KIAA1217: variants seen among roughly 807,000 people sequenced by gnomAD.
The protein encoded by KIAA1217 is sickle tail protein homolog.
In KIAA1217, 88 loss-of-function variants were observed where a neutral mutation model predicts 163.9. The ratio of observed to expected loss-of-function variants is 0.54; its 90% CI spans 0.45 to 0.64. The LOEUF (loss-of-function observed/expected upper bound fraction) is 0.64. KIAA1217 is among the 30% of genes least tolerant of loss of function. The pLI is 0.00. For missense variants in KIAA1217, 2,372 were observed against 2,475.0 expected, an observed-to-expected ratio of 0.96 and a Z score of 0.88; for synonymous variants, 903 against 923.1, an observed-to-expected ratio of 0.98 and a Z score of 0.39.
intron 2 of KIAA1217, among the ~76,000 whole-genome samples, chr10:24,359,916 A>G (rs1182217386): frequency 1.3e-5 from 2 of 152,054 alleles, no homozygotes; most frequent in African/African-American, 2.4e-5. Context: ...TTAAACAGTT[A>G]GAAAAGGAAT....
chr10:24,171,695 G>A (rs905982451), intron 2 of KIAA1217, among the ~76,000 whole-genome samples: 20 of 152,092 alleles, frequency 1.3e-4, no homozygotes, highest in Admixed American at 7.9e-4. Context: ...GATGAGGCAG[G>A]AGAATCACTT....
chr10:23,921,817 G>A (rs1331535546), intron 1 of KIAA1217, among the ~76,000 whole-genome samples: 2 of 152,154 alleles, frequency 1.3e-5, no homozygotes, highest in Non-Finnish European at 2.9e-5. Context: ...CTGTTTGCCA[G>A]GTTGTGGCTG....
intron 1 of KIAA1217, among the ~76,000 whole-genome samples, chr10:23,990,397 C>G (rs1406182180): frequency 6.6e-6 from 1 of 152,040 alleles, no homozygotes; most frequent in Non-Finnish European, 1.5e-5. Flanking sequence ...TCATTTTTGT[C>G]TCTTTTCAGC....
At chr10:24,252,870 A>T (rs1335130947) in intron 2 of KIAA1217, among the ~76,000 whole-genome samples, 1 of 151,886 alleles carries the variant, frequency 6.6e-6, no homozygotes, top group Non-Finnish European at 1.5e-5. Flanking sequence ...GGCCAGGTGC[A>T]GTGGCTCATG....
intron 2 of KIAA1217, among the ~76,000 whole-genome samples, chr10:24,220,747 C>T (rs952902907): frequency 2.7e-5 from 4 of 148,864 alleles, no homozygotes; most frequent in African/African-American, 9.9e-5. Flanking sequence ...AGCCACTGCA[C>T]CCCGGCCTTT....
chr10:23,845,580 T>C (rs1364389049), intron 1 of KIAA1217, among the ~76,000 whole-genome samples: 1 of 151,220 alleles, frequency 6.6e-6, no homozygotes, highest in Admixed American at 6.6e-5. Context: ...TTTTTGATGG[T>C]TTTTTCTTTT....
intron 2 of KIAA1217, among the ~76,000 whole-genome samples, chr10:24,141,225 A>AACCC (rs796365302): frequency 3.7e-4 from 28 of 76,290 alleles, no homozygotes; most frequent in Admixed American, 7.8e-4. Flanking sequence ...GAAAGAATAA[A>AACCC]CCCCCCCCCC....
intron 2 of KIAA1217, among the ~76,000 whole-genome samples, chr10:24,122,343 C>T (rs2063314501): frequency 6.6e-6 from 1 of 152,138 alleles, no homozygotes; most frequent in Non-Finnish European, 1.5e-5. Flanking sequence ...TTTTTTATGG[C>T]TGTGTAGTAT....
chr10:24,203,675 TA>T (rs1263537795), intron 2 of KIAA1217, among the ~76,000 whole-genome samples: 25 of 152,150 alleles, frequency 1.6e-4, no homozygotes, highest in African/African-American at 6.0e-4. Context: ...AAAGGGTTGA[TA>T]ATGAGGCACT....
chr10:23,746,908 C>T (rs969870455), intron 1 of KIAA1217, among the ~76,000 whole-genome samples: 3 of 152,048 alleles, frequency 2.0e-5, no homozygotes, highest in Non-Finnish European at 4.4e-5. Context: ...CATTCTCTGC[C>T]AGCAGCTGTA....
intron 2 of KIAA1217, among the ~76,000 whole-genome samples, chr10:24,013,453 GC>G (rs1847338175): frequency 6.6e-6 from 1 of 151,896 alleles, no homozygotes; most frequent in Non-Finnish European, 1.5e-5. Flanking sequence ...AAAGCCAAAG[GC>G]TTATAGGAAC....
At position 23,772,929 on chromosome 10, in the gene KIAA1217, A is replaced by G. The variant is rs560190808; in HGVS notation, c.-321+77695A>G. Among the ~76,000 whole-genome samples the G allele has an allele frequency of 3.9e-5, 6 of 152,250 alleles. No homozygotes were observed. In the South Asian group the frequency reaches 1.2e-3, roughly 32 times the overall value. On this transcript the variant is annotated intron_variant, in intron 1 of 18. Transcript: ENST00000376462. Reference sequence around the variant, plus strand: ...GGAGACACACCCTTGTCATTTCCTCATATTTTGAATCAAGGCCCTAATTTT... The same window carrying G: ...GGAGACACACCCTTGTCATTTCCTCGTATTTTGAATCAAGGCCCTAATTTT...
chr10:24,533,071 C>A lies in KIAA1217; in HGVS notation c.3248C>A (p.Ala1083Glu), dbSNP rs754458721. ...TGRKENITAKASSEDAGPSPQ... is the reference protein window; with the variant it reads ...TGRKENITAKESSEDAGPSPQ... ...ATCTGTTGTTTCAATCTCCCACAGG[C>A]AAGCAGTGAAGATGCTGGACCAAGC... Residue 1083 changes from alanine (A) to glutamate (E), a missense_variant and splice_region_variant, in exon 16 of 21, where the codon GCA becomes GAA. Ala to Glu is a moderately radical substitution (Grantham distance 107). Transcript: ENST00000376454. The A allele has an allele frequency of 1.2e-6, 2 of 1,606,796 alleles. No homozygotes were observed. Among genetic ancestry groups the A allele is most frequent in the Non-Finnish European group, 1.7e-6 (2 of 1,175,778 alleles).
At chr10:24,105,650 G>A (rs1241267090) in intron 2 of KIAA1217, among the ~76,000 whole-genome samples, 1 of 152,210 alleles carries the variant, frequency 6.6e-6, no homozygotes, top group African/African-American at 2.4e-5. Context: ...TGGGTCCTCT[G>A]TGAGGTTGCA....
chr10:24,292,100 G>A (rs2079139847), intron 2 of KIAA1217, among the ~76,000 whole-genome samples: 1 of 152,200 alleles, frequency 6.6e-6, no homozygotes, highest in African/African-American at 2.4e-5. Flanking sequence ...AATCAGGAAA[G>A]GCTTGTTGGA....
upstream of KIAA1217, among the ~76,000 whole-genome samples, chr10:24,205,166 A>T (rs984013965): frequency 6.6e-6 from 1 of 152,056 alleles, no homozygotes; most frequent in African/African-American, 2.4e-5. Context: ...AAAAACTTAC[A>T]TAGGCCAGGC....
At chr10:24,207,101 C>T (rs1256847701), upstream of KIAA1217, among the ~76,000 whole-genome samples, 2 of 152,112 alleles carry the variant, frequency 1.3e-5, no homozygotes, top group African/African-American at 2.4e-5. Context: ...CTGTGGCAGC[C>T]CTCTGCTGCC....
At chr10:24,057,095 A>T (rs989393983) in intron 2 of KIAA1217, among the ~76,000 whole-genome samples, 11 of 151,980 alleles carry the variant, frequency 7.2e-5, no homozygotes, top group African/African-American at 1.2e-4. Flanking sequence ...AAAAAAATTT[A>T]AATTAGCTAA....
intron 1 of KIAA1217, among the ~76,000 whole-genome samples, chr10:23,753,757 T>C (rs1453705768): frequency 6.6e-6 from 1 of 152,166 alleles, no homozygotes; most frequent in Non-Finnish European, 1.5e-5. Context: ...ATCTCAACAG[T>C]TTATCAATGA....
Sources: allele counts gnomAD v4.1 joint callset (sites outside exome capture counted in the v4.1 genomes callset), GRCh38; gene constraint gnomAD v4.1.1; transcripts MANE v1.5; gene names NCBI Gene and HGNC (gene_info 2026-07-23, HGNC 2026-07-21).